Variants in WDR70 observed in about 807,000 individuals in gnomAD.
WDR70 encodes the protein WD repeat domain 70, also known as WD repeat-containing protein 70.
WDR70 carries 53 observed loss-of-function variants against 88.6 expected under a neutral mutation model. The observed-to-expected ratio is 0.60, with a 90% CI of 0.48 to 0.75. WDR70 has a LOEUF of 0.75. Among genes scored for constraint, WDR70 ranks in the 30% least tolerant of loss-of-function variants. The pLI is 0.00. For missense variants in WDR70, 610 were observed against 823.2 expected (o/e 0.74, Z 3.17); for synonymous variants, 280 against 270.0 (o/e 1.04, Z -0.36).
chr5:37,444,737 T>A (rs1738405393), intron 7 of WDR70, among the ~76,000 whole-genome samples: 2 of 152,162 alleles, frequency 1.3e-5, no homozygotes. Context: ...CCCAATCTTT[T>A]TTGCACCAGT....
chr5:37,509,156 T>G (rs1021913191), intron 8 of WDR70, among the ~76,000 whole-genome samples: 1 of 152,140 alleles, frequency 6.6e-6, no homozygotes, highest in Non-Finnish European at 1.5e-5. Flanking sequence ...TCAACTTTAT[T>G]GATTTATTTT....
At chr5:37,603,709 G>A (rs1743951651) in intron 9 of WDR70, among the ~76,000 whole-genome samples, 1 of 152,062 alleles carries the variant, frequency 6.6e-6, no homozygotes. Flanking sequence ...ATTTATATCT[G>A]CCATATTGCT....
Position 37,449,895 on chromosome 5 carries a change from A to G in WDR70, c.686+6523A>G, listed in dbSNP as rs185875140. On this transcript the variant is annotated intron_variant, in intron 7 of 17. Transcript: ENST00000265107. ...TATTTCTCCTAATGCTGTCCCTCCC[A>G]TAGCCCCGCACCCCCTGACAGGCCC... is the stretch of plus-strand genomic sequence containing the variant. Among the ~76,000 whole-genome samples, 244 of 152,100 alleles carry G rather than the reference A, an allele frequency of 1.6e-3. 2 individuals carry two copies. The highest frequency in any genetic ancestry group is 5.5e-3 in the African/African-American group (229 of 41,500).
intron 5 of WDR70, among the ~76,000 whole-genome samples, chr5:37,432,736 A>G (rs1750347632): frequency 6.7e-6 from 1 of 150,302 alleles, no homozygotes; most frequent in South Asian, 2.1e-4. Flanking sequence ...AACTTTTTGT[A>G]TTTTAGTAGA....
At chr5:37,552,782 CACAGAGATAAAA>C (rs561616029) in intron 9 of WDR70, among the ~76,000 whole-genome samples, 204 of 152,294 alleles carry the variant, frequency 1.3e-3, no homozygotes, top group African/African-American at 4.8e-3. Context: ...GAGCTGAATG[CACAGAGATAAAA>C]ACAACATGGT....
intron 8 of WDR70, among the ~76,000 whole-genome samples, chr5:37,492,441 T>C (rs748230346): frequency 2.0e-5 from 3 of 152,206 alleles, no homozygotes; most frequent in Non-Finnish European, 4.4e-5. Flanking sequence ...TCTCCTTGAA[T>C]GTAGTTTTGA....
At chr5:37,747,840 A>G (rs1409751137) in intron 17 of WDR70, among the ~76,000 whole-genome samples, 1 of 152,240 alleles carries the variant, frequency 6.6e-6, no homozygotes, top group African/African-American at 2.4e-5. Flanking sequence ...CCTTTACACC[A>G]ACAGTAGACA....
At chr5:37,731,667 A>C (rs1748148483) in intron 17 of WDR70, among the ~76,000 whole-genome samples, 1 of 152,080 alleles carries the variant, frequency 6.6e-6, no homozygotes, top group Non-Finnish European at 1.5e-5. Context: ...TCATAGTTTA[A>C]ATTTTGTTAA....
At chr5:37,579,645 T>C (rs1198153804) in intron 9 of WDR70, among the ~76,000 whole-genome samples, 1 of 147,976 alleles carries the variant, frequency 6.8e-6, no homozygotes, top group Non-Finnish European at 1.5e-5. Context: ...ATTTAAAATA[T>C]AGATTTAATT....
intron 8 of WDR70, among the ~76,000 whole-genome samples, chr5:37,484,311 G>A (rs949164297): frequency 3.3e-5 from 5 of 152,144 alleles, no homozygotes; most frequent in African/African-American, 9.7e-5. Flanking sequence ...CCGGCACCTC[G>A]GGAGGCTGAG....
intron 4 of WDR70, among the ~76,000 whole-genome samples, chr5:37,393,707 G>T (rs1042517361): frequency 2.6e-5 from 4 of 151,792 alleles, no homozygotes; most frequent in African/African-American, 9.7e-5. Flanking sequence ...TTGAGACAGG[G>T]TTTCACTCGG....
rs140298711 is a variant in WDR70 at position 37,722,782 on chromosome 5, C to T, written c.1518-73C>T. The stretch of plus-strand genomic sequence containing the variant: ...GCACAGAGTATGTTCCTGAAAGTAT[C>T]TCATGTTTTCAACATGAAATTTTCT... On this transcript the variant is annotated intron_variant, in intron 14 of 17. Transcript: ENST00000265107. 369 of 1,379,814 alleles carry T rather than the reference C, an allele frequency of 2.7e-4. 3 individuals carry two copies. The African/African-American group carries it at 4.8e-3, about 18-fold the overall frequency. 85.5% of individuals were successfully genotyped at this position (1,379,814 alleles called of 1,614,324 possible).
chr5:37,408,062 C>T (rs1351812552), intron 5 of WDR70, among the ~76,000 whole-genome samples: 1 of 152,062 alleles, frequency 6.6e-6, no homozygotes, highest in African/African-American at 2.4e-5. Flanking sequence ...TTTGCAGGTC[C>T]AGGATATCTC....
chr5:37,466,729 A>G (rs948651183), intron 7 of WDR70, among the ~76,000 whole-genome samples: 3 of 147,914 alleles, frequency 2.0e-5, no homozygotes, highest in Non-Finnish European at 4.5e-5. Flanking sequence ...AAAAAAAAAA[A>G]AAAAAAATTT....
chr5:37,630,347 T>C (rs754409059), intron 10 of WDR70, among the ~76,000 whole-genome samples: 3 of 152,192 alleles, frequency 2.0e-5, no homozygotes, highest in Non-Finnish European at 4.4e-5. Context: ...CAGTCTGCAA[T>C]GTTTCCACCA....
intron 9 of WDR70, among the ~76,000 whole-genome samples, chr5:37,574,012 C>T (rs1409149060): frequency 3.9e-5 from 6 of 152,018 alleles, no homozygotes; most frequent in African/African-American, 9.7e-5. Flanking sequence ...GGGGATTGAC[C>T]GTGAAAGATA....
At chr5:37,425,629 G>A (rs564276657) in intron 5 of WDR70, among the ~76,000 whole-genome samples, 5 of 152,216 alleles carry the variant, frequency 3.3e-5, no homozygotes, top group Admixed American at 6.5e-5. Context: ...AGGACCTGTA[G>A]GCAATTGTAA....
intron 10 of WDR70, among the ~76,000 whole-genome samples, chr5:37,613,897 C>G (rs2112491824): frequency 6.6e-6 from 1 of 152,272 alleles, no homozygotes; most frequent in African/African-American, 2.4e-5. Flanking sequence ...CAATCCCAGG[C>G]AGTCTGGCTC....
intron 8 of WDR70, among the ~76,000 whole-genome samples, chr5:37,493,939 C>A (rs1457975982): frequency 2.0e-5 from 3 of 151,838 alleles, no homozygotes; most frequent in Non-Finnish European, 2.9e-5. Flanking sequence ...CTGCCTCAGC[C>A]TTCCAAGTAG....
Sources: gnomAD v4.1 joint callset for allele counts (sites outside exome capture counted in the v4.1 genomes callset) on GRCh38, gnomAD v4.1.1 for gene constraint, MANE v1.5 for transcripts, NCBI Gene and HGNC (gene_info 2026-07-23, HGNC 2026-07-21) for gene names.